SPTLC3: variants seen among roughly 807,000 people sequenced by gnomAD.
SPTLC3 encodes the protein serine palmitoyltransferase long chain base subunit 3, also known as serine palmitoyltransferase 3.
A neutral mutation model predicts 59.3 loss-of-function variants in SPTLC3; 36 were observed. That is an observed-to-expected ratio of 0.61 (90% CI 0.47 to 0.80). SPTLC3 has a LOEUF of 0.80. SPTLC3 is among the 30% of genes least tolerant of loss of function. SPTLC3 has a pLI of 0.00. For missense variants in SPTLC3, 625 were observed against 685.1 expected, an observed-to-expected ratio of 0.91 and a Z score of 0.98; for synonymous variants, 257 against 240.8, an observed-to-expected ratio of 1.07 and a Z score of -0.62.
intron 2 of SPTLC3, among the ~76,000 whole-genome samples, chr20:13,060,690 G>A (rs1987937784): frequency 1.4e-5 from 2 of 140,016 alleles, no homozygotes; most frequent in African/African-American, 5.3e-5. Context: ...ACTTAGAAGT[G>A]AGAACATGTA....
chr20:13,033,478 G>T (rs964965565), intron 1 of SPTLC3, among the ~76,000 whole-genome samples: 4 of 152,122 alleles, frequency 2.6e-5, no homozygotes, highest in African/African-American at 9.7e-5. Context: ...AGTGAAGAGA[G>T]GCTTTTATGA....
At chr20:13,057,348 G>A (rs533935204) in intron 2 of SPTLC3, among the ~76,000 whole-genome samples, 1 of 152,222 alleles carries the variant, frequency 6.6e-6, no homozygotes, top group Non-Finnish European at 1.5e-5. Flanking sequence ...GATCATAAGT[G>A]AATGTTCTTA....
chr20:13,064,888 A>G (rs890456939), intron 2 of SPTLC3, among the ~76,000 whole-genome samples: 3 of 152,182 alleles, frequency 2.0e-5, no homozygotes, highest in South Asian at 4.1e-4. Context: ...TTTCTTTATA[A>G]AAGTCTTACC....
chr20:13,154,816 C>A (rs2038729385), intron 10 of SPTLC3, among the ~76,000 whole-genome samples: 1 of 152,122 alleles, frequency 6.6e-6, no homozygotes, highest in Admixed American at 6.5e-5. Context: ...TTGGCAGGGA[C>A]AATTTTATAC....
intron 4 of SPTLC3, among the ~76,000 whole-genome samples, chr20:13,084,435 T>C (rs1988941358): frequency 6.6e-6 from 1 of 152,224 alleles, no homozygotes; most frequent in Non-Finnish European, 1.5e-5. Context: ...GTTTCATCTC[T>C]GGAGTCAGAC....
chr20:13,059,404 A>T (rs539096148), intron 2 of SPTLC3, among the ~76,000 whole-genome samples: 1 of 152,304 alleles, frequency 6.6e-6, no homozygotes, highest in Non-Finnish European at 1.5e-5. Context: ...ACAGATACAC[A>T]TTAAAGTTTG....
At chr20:13,033,752 TTTA>T (rs2122442860) in intron 1 of SPTLC3, among the ~76,000 whole-genome samples, 1 of 152,300 alleles carries the variant, frequency 6.6e-6, no homozygotes, top group East Asian at 1.9e-4. Context: ...ACAGAAAATA[TTTA>T]TTAAGTGACT....
At chr20:13,076,887 A>G (rs1988666632) in intron 4 of SPTLC3, among the ~76,000 whole-genome samples, 2 of 152,148 alleles carry the variant, frequency 1.3e-5, no homozygotes, top group Non-Finnish European at 2.9e-5. Flanking sequence ...TCCCGGAGGA[A>G]GATTGTTTGC....
intron 1 of SPTLC3, among the ~76,000 whole-genome samples, chr20:13,026,934 T>A (rs1232536084): frequency 6.6e-6 from 1 of 152,214 alleles, no homozygotes; most frequent in Non-Finnish European, 1.5e-5. Flanking sequence ...GCTCAACCTT[T>A]GACTGATGGG....
At chr20:13,141,775 A>G (rs1307403811) in intron 9 of SPTLC3, among the ~76,000 whole-genome samples, 1 of 152,178 alleles carries the variant, frequency 6.6e-6, no homozygotes, top group African/African-American at 2.4e-5. Flanking sequence ...GGTAATACAA[A>G]ACAGATGTTG....
In SPTLC3 at chr20:13,074,549, T is replaced by G. The variant is rs749602952; in HGVS notation, c.607+52T>G. 11 of 1,553,134 alleles carry G rather than the reference T, an allele frequency of 7.1e-6. No individual in the cohort carries two copies. In the South Asian group the frequency reaches 1.3e-4, roughly 19 times the overall value. ...TTTTGCTGTTAGGTCTCAGATTCCT[T>G]GTGTCTGTCTCTCAAATCTAGATCA... On this transcript the variant is annotated intron_variant, in intron 4 of 11. Transcript: ENST00000399002.
intron 6 of SPTLC3, among the ~76,000 whole-genome samples, chr20:13,107,620 T>C (rs1162636470): frequency 2.0e-5 from 3 of 152,120 alleles, no homozygotes; most frequent in Admixed American, 2.0e-4. Context: ...AAAAGGAAAG[T>C]GGCATGAAAT....
rs149532615 is a variant in SPTLC3 at position 13,026,810 on chromosome 20, G to T, written c.117+17426G>T. On this transcript the variant is annotated intron_variant, in intron 1 of 11. Transcript: ENST00000399002. ...GCCAATTCCCATGCCCTTTTTCTGA[G>T]AACTTTCTGAAAAACTGTTACATGT... Among the ~76,000 whole-genome samples, 369 of 152,198 alleles carry T rather than the reference G, an allele frequency of 2.4e-3. 3 individuals are homozygous for T. Among genetic ancestry groups the T allele is most frequent in the African/African-American group, 8.6e-3 (356 of 41,546 alleles).
intron 7 of SPTLC3, among the ~76,000 whole-genome samples, chr20:13,112,855 T>C (rs1203215432): frequency 2.0e-5 from 3 of 152,202 alleles, no homozygotes; most frequent in Non-Finnish European, 4.4e-5. Context: ...GAAAAGCCTT[T>C]ATACAGGTGT....
intron 1 of SPTLC3, among the ~76,000 whole-genome samples, chr20:13,038,045 A>AATATATATATATATATATATATATATGT (rs74181398): frequency 7.2e-6 from 1 of 139,516 alleles, no homozygotes; most frequent in Admixed American, 7.0e-5. Context: ...GAAAATCATG[A>AATATATATATATATATATATATATATGT]ATATATATAT....
intron 1 of SPTLC3, among the ~76,000 whole-genome samples, chr20:13,037,542 T>C (rs907355113): frequency 1.3e-5 from 2 of 152,114 alleles, no homozygotes; most frequent in Non-Finnish European, 2.9e-5. Context: ...ATTTCTTCTG[T>C]AGTAATGACA....
intron 1 of SPTLC3, among the ~76,000 whole-genome samples, chr20:13,018,652 C>A (rs956253281): frequency 2.0e-4 from 30 of 152,300 alleles, no homozygotes; most frequent in Non-Finnish European, 3.4e-4. Context: ...TTTTTAATAT[C>A]TGCCAATTAC....
rs149566255 is a variant in SPTLC3 at position 13,167,295 on chromosome 20, A to T, written c.*2428A>T. On this transcript the variant is annotated 3_prime_UTR_variant, in exon 12 of 12. Coordinates refer to ENST00000399002, the MANE Select transcript of SPTLC3 (RefSeq NM_018327.4). ...CATGATTAAAATTATTTGATTATTG[A>T]GTCTTGATAATTATATCATCAACCA... 142 of 149,318 alleles carry T rather than the reference A, an allele frequency of 9.5e-4. No individual in the cohort carries two copies. Among genetic ancestry groups the T allele is most frequent in the African/African-American group, 3.4e-3 (138 of 40,840 alleles). 9.2% of individuals were successfully genotyped at this position (149,318 alleles called of 1,614,324 possible). A position where few individuals can be genotyped will look rare whatever the true frequency, so the allele number is the denominator to read the frequency against.
At chr20:13,099,555 C>T (rs771675627) in intron 6 of SPTLC3, among the ~76,000 whole-genome samples, 27 of 152,336 alleles carry the variant, frequency 1.8e-4, no homozygotes, top group Middle Eastern at 3.4e-3. Context: ...CTTTGAAACA[C>T]GAGCATATTC....
Sources: allele counts gnomAD v4.1 joint callset (sites outside exome capture counted in the v4.1 genomes callset), GRCh38; gene constraint gnomAD v4.1.1; transcripts MANE v1.5; gene names NCBI Gene and HGNC (gene_info 2026-07-23, HGNC 2026-07-21).